The following VTI1A variants were observed in gnomAD, a reference collection of about 807,000 sequenced individuals.
The protein encoded by VTI1A is vesicle transport through interaction with t-SNAREs homolog 1A.
Under a neutral mutation model 34.9 loss-of-function variants are expected in VTI1A, and 22 were observed. The observed-to-expected ratio is 0.63, with a 90% CI of 0.45 to 0.90. VTI1A has a LOEUF of 0.90. VTI1A is among the 40% of genes least tolerant of loss of function. The pLI is 0.00. For synonymous variants in VTI1A, 87 were observed against 97.3 expected, an observed-to-expected ratio of 0.89 and a Z score of 0.62; for missense variants, 268 against 275.6, an observed-to-expected ratio of 0.97 and a Z score of 0.20.
chr10:112,539,957 G>A (rs1371631276), intron 5 of VTI1A, among the ~76,000 whole-genome samples: 3 of 152,046 alleles, frequency 2.0e-5, no homozygotes, highest in African/African-American at 7.2e-5. Context: ...CAATCCTTGG[G>A]GAACATAGCA....
chr10:112,853,522 C>T, the VTI1A span, among the ~76,000 whole-genome samples: 1 of 152,248 alleles, frequency 6.6e-6, no homozygotes, highest in African/African-American at 2.4e-5. Flanking sequence ...TTCTTCCTTG[C>T]CCTGCTGAAC....
At chr10:112,745,917 G>C (rs1331003135) in intron 7 of VTI1A, among the ~76,000 whole-genome samples, 2 of 152,180 alleles carry the variant, frequency 1.3e-5, no homozygotes, top group Non-Finnish European at 2.9e-5. Context: ...GACAGAGCTA[G>C]GATTTAAACT....
At chr10:112,830,177 A>G in the VTI1A span, among the ~76,000 whole-genome samples, 2 of 152,154 alleles carry the variant, frequency 1.3e-5, no homozygotes, top group Non-Finnish European at 2.9e-5. Context: ...TTTGAAAAAG[A>G]AAATCAGATC....
chr10:112,489,342 C>T (rs1208433108), intron 3 of VTI1A, among the ~76,000 whole-genome samples: 1 of 152,150 alleles, frequency 6.6e-6, no homozygotes, highest in Non-Finnish European at 1.5e-5. Context: ...TTGTTTGGTG[C>T]TGTTTCTCAT....
At chr10:112,731,682 A>G (rs1000280653) in intron 7 of VTI1A, among the ~76,000 whole-genome samples, 2 of 152,062 alleles carry the variant, frequency 1.3e-5, no homozygotes, top group Admixed American at 1.3e-4. Flanking sequence ...TATTGCATAG[A>G]ATGAAATGAA....
At chr10:112,736,036 T>A (rs1252076449) in intron 7 of VTI1A, among the ~76,000 whole-genome samples, 2 of 147,672 alleles carry the variant, frequency 1.4e-5, no homozygotes, top group African/African-American at 2.5e-5. Context: ...TATTTATATA[T>A]AGTATATGTT....
At chr10:112,483,886 C>G (rs1848530953) in intron 3 of VTI1A, among the ~76,000 whole-genome samples, 1 of 152,182 alleles carries the variant, frequency 6.6e-6, no homozygotes, top group Non-Finnish European at 1.5e-5. Context: ...AATTCAGACA[C>G]AGGAGGTGAT....
chr10:112,518,536 C>A (rs1426864588), intron 3 of VTI1A, among the ~76,000 whole-genome samples: 1 of 134,354 alleles, frequency 7.4e-6, no homozygotes, highest in African/African-American at 2.9e-5. Flanking sequence ...ATGGTGAGAC[C>A]TCATATCTCT....
intron 7 of VTI1A, among the ~76,000 whole-genome samples, chr10:112,804,061 A>G (rs372930397): frequency 6.6e-6 from 1 of 152,208 alleles, no homozygotes; most frequent in Non-Finnish European, 1.5e-5. Context: ...ATTTGGCAAC[A>G]TAGAGTGCAA....
chr10:112,727,080 G>A (rs1850057485), intron 7 of VTI1A, among the ~76,000 whole-genome samples: 1 of 152,202 alleles, frequency 6.6e-6, no homozygotes, highest in Non-Finnish European at 1.5e-5. Context: ...AGCATTTTGG[G>A]TGCTGATGAG....
At chr10:112,666,584 C>T (rs921958271) in intron 5 of VTI1A, among the ~76,000 whole-genome samples, 1 of 152,142 alleles carries the variant, frequency 6.6e-6, no homozygotes, top group African/African-American at 2.4e-5. Flanking sequence ...GTTGAATGCT[C>T]TGAATCTTAC....
At chr10:112,545,622 C>T (rs1399549543) in intron 5 of VTI1A, among the ~76,000 whole-genome samples, 1 of 152,184 alleles carries the variant, frequency 6.6e-6, no homozygotes, top group Non-Finnish European at 1.5e-5. Flanking sequence ...GAACCAGCAA[C>T]GTTGACATCC....
At chr10:112,600,697 C>T (rs1844845086) in intron 5 of VTI1A, among the ~76,000 whole-genome samples, 1 of 152,176 alleles carries the variant, frequency 6.6e-6, no homozygotes, top group African/African-American at 2.4e-5. Flanking sequence ...TCCGTGATGT[C>T]TGGTCTGTTT....
chr10:112,524,902 A>T (rs992510295), intron 3 of VTI1A, among the ~76,000 whole-genome samples: 7 of 152,188 alleles, frequency 4.6e-5, no homozygotes, highest in African/African-American at 1.4e-4. Flanking sequence ...ACTTTTGCTT[A>T]GCTAGTTTGA....
At chr10:112,773,576 A>C (rs188989584) in intron 7 of VTI1A, among the ~76,000 whole-genome samples, 2 of 150,870 alleles carry the variant, frequency 1.3e-5, no homozygotes, top group Non-Finnish European at 3.0e-5. Context: ...AACTCGGCTA[A>C]GGGTGTGCCT....
At chr10:112,676,047 G>A (rs1008774271) in intron 7 of VTI1A, among the ~76,000 whole-genome samples, 4 of 152,088 alleles carry the variant, frequency 2.6e-5, no homozygotes, top group Admixed American at 1.3e-4. Context: ...TATCATTATC[G>A]TCATCGGTTT....
chr10:112,818,377 A>C lies in VTI1A; in HGVS notation c.*2994A>C, dbSNP rs1853582886. The C allele has an allele frequency of 4.3e-6, 1 of 232,682 alleles. No individual in the cohort carries two copies. Among genetic ancestry groups the C allele is most frequent in the South Asian group, 1.8e-4 (1 of 5,532 alleles). 14.4% of individuals were successfully genotyped at this position (232,682 alleles called of 1,614,324 possible). A position where few individuals can be genotyped will look rare whatever the true frequency, so the allele number is the denominator to read the frequency against. ...CATTACCAAACAGCATCCAGAGATT[A>C]TCAACCCATAGAAGAAGGGAGGGGA... On this transcript the variant is annotated 3_prime_UTR_variant, in exon 8 of 8. Coordinates refer to ENST00000393077, the MANE Select transcript of VTI1A (RefSeq NM_145206.4).
chr10:112,702,700 C>CT (rs776604995), intron 7 of VTI1A, among the ~76,000 whole-genome samples: 4 of 152,334 alleles, frequency 2.6e-5, no homozygotes, highest in Admixed American at 1.3e-4. Context: ...ATTCTCATGC[C>CT]TCAGCCTCTG....
chr10:112,851,481 G>A, the VTI1A span, among the ~76,000 whole-genome samples: 1 of 152,136 alleles, frequency 6.6e-6, no homozygotes, highest in African/African-American at 2.4e-5. Context: ...AACCCCTGTG[G>A]AAGTGGCACC....
Sources: gnomAD v4.1 joint callset for allele counts (sites outside exome capture counted in the v4.1 genomes callset) on GRCh38, gnomAD v4.1.1 for gene constraint, MANE v1.5 for transcripts, NCBI Gene and HGNC (gene_info 2026-07-23, HGNC 2026-07-21) for gene names.